Variants in CNTNAP2 observed in about 807,000 individuals in gnomAD.
The protein encoded by CNTNAP2 is contactin associated protein 2.
In CNTNAP2, 98 loss-of-function variants were observed where a neutral mutation model predicts 155.2. The ratio of observed to expected loss-of-function variants is 0.63; its 90% confidence interval spans 0.54 to 0.75. The LOEUF (loss-of-function observed/expected upper bound fraction) is 0.75. Among genes scored for constraint, CNTNAP2 ranks in the 30% least tolerant of loss-of-function variants. CNTNAP2 has a pLI of 0.00. For synonymous variants in CNTNAP2, 651 were observed against 631.2 expected, an observed-to-expected ratio of 1.03 and a Z score of -0.47; for missense variants, 1,727 against 1,688.1, an observed-to-expected ratio of 1.02 and a Z score of -0.40.
At chr7:146,846,375 A>G (rs1803841309) in intron 3 of CNTNAP2, among the ~76,000 whole-genome samples, 1 of 151,450 alleles carries the variant, frequency 6.6e-6, no homozygotes, top group African/African-American at 2.4e-5. Context: ...TTTGATATAA[A>G]TGGGGTAAAA....
chr7:147,442,307 A>G (rs1362910580), intron 10 of CNTNAP2, among the ~76,000 whole-genome samples: 1 of 152,176 alleles, frequency 6.6e-6, no homozygotes, highest in East Asian at 1.9e-4. Context: ...TCCTCAGTGA[A>G]TACTTCCAGC....
intron 21 of CNTNAP2, among the ~76,000 whole-genome samples, chr7:148,330,894 A>G (rs1454078886): frequency 1.0e-5 from 1 of 98,922 alleles, no homozygotes; most frequent in Non-Finnish European, 2.6e-5. Flanking sequence ...GAATGGATGG[A>G]TGGAATGGAC....
chr7:146,538,979 G>C (rs1431406172), intron 1 of CNTNAP2, among the ~76,000 whole-genome samples: 2 of 152,034 alleles, frequency 1.3e-5, no homozygotes, highest in East Asian at 3.9e-4. Context: ...ACAATTAACA[G>C]GGGGTAATGA....
At chr7:146,899,507 C>T (rs1260683346) in intron 3 of CNTNAP2, among the ~76,000 whole-genome samples, 5 of 152,066 alleles carry the variant, frequency 3.3e-5, no homozygotes. Context: ...TGCATTGAAC[C>T]TGTATTTTGT....
intron 15 of CNTNAP2, among the ~76,000 whole-genome samples, chr7:147,995,858 C>CAA (rs2116887241): frequency 6.6e-6 from 1 of 151,918 alleles, no homozygotes; most frequent in South Asian, 2.1e-4. Context: ...AGACTGTGCT[C>CAA]TTTTCCCTTG....
chr7:147,501,780 A>T (rs1329631705), intron 11 of CNTNAP2, among the ~76,000 whole-genome samples: 1 of 152,200 alleles, frequency 6.6e-6, no homozygotes, highest in Non-Finnish European at 1.5e-5. Context: ...GTTTATCAGT[A>T]TGTGACCCCA....
intron 18 of CNTNAP2, among the ~76,000 whole-genome samples, chr7:148,207,823 C>T (rs1393317169): frequency 6.6e-6 from 1 of 152,122 alleles, no homozygotes; most frequent in East Asian, 1.9e-4. Flanking sequence ...GTCATCACAG[C>T]GTGGTGGCTC....
At chr7:147,395,125 A>G (rs539511583) in intron 9 of CNTNAP2, among the ~76,000 whole-genome samples, 1 of 152,014 alleles carries the variant, frequency 6.6e-6, no homozygotes, top group Non-Finnish European at 1.5e-5. Flanking sequence ...ACTTTATTTC[A>G]TAATAGTAAG....
intron 9 of CNTNAP2, among the ~76,000 whole-genome samples, chr7:147,384,308 C>T (rs1796592403): frequency 6.6e-6 from 1 of 152,140 alleles, no homozygotes. Flanking sequence ...AATTTTCTTA[C>T]ACATATTTAA....
chr7:146,117,230 G>T (rs966741734), intron 1 of CNTNAP2: 1 of 526,264 alleles, frequency 1.9e-6, no homozygotes, highest in Admixed American at 3.1e-5. Flanking sequence ...GCAAGAGCTT[G>T]GCTAGAGAGA....
At chr7:146,628,658 C>A (rs1171922274) in intron 1 of CNTNAP2, among the ~76,000 whole-genome samples, 1 of 151,702 alleles carries the variant, frequency 6.6e-6, no homozygotes, top group Admixed American at 6.6e-5. Context: ...AACTATGAAC[C>A]CTTGAGCACT....
intron 13 of CNTNAP2, among the ~76,000 whole-genome samples, chr7:147,901,859 A>T (rs1799874273): frequency 6.6e-6 from 1 of 152,170 alleles, no homozygotes; most frequent in Non-Finnish European, 1.5e-5. Flanking sequence ...TGATGATTGG[A>T]TGAATGAATG....
At chr7:146,373,764 G>A (rs895430524) in intron 1 of CNTNAP2, among the ~76,000 whole-genome samples, 6 of 152,248 alleles carry the variant, frequency 3.9e-5, no homozygotes, top group African/African-American at 1.4e-4. Context: ...AAATTTTATA[G>A]AATTGGGGTA....
At chr7:147,338,455 T>C (rs826803) in intron 9 of CNTNAP2, among the ~76,000 whole-genome samples, 56,437 of 151,948 alleles carry the variant, frequency 0.37, 11,156 homozygotes, top group African/African-American at 0.5. Context: ...ATATAGAACA[T>C]AAGAAGAAAG....
At chr7:147,308,593 T>C (rs1795071639) in intron 9 of CNTNAP2, among the ~76,000 whole-genome samples, 1 of 152,196 alleles carries the variant, frequency 6.6e-6, no homozygotes. Flanking sequence ...TTTCCACTGT[T>C]TTACACTTTC....
At chr7:147,001,837 A>G (rs1798430148) in intron 3 of CNTNAP2, among the ~76,000 whole-genome samples, 1 of 152,028 alleles carries the variant, frequency 6.6e-6, no homozygotes, top group Admixed American at 6.6e-5. Flanking sequence ...AACTTGGAAT[A>G]AATAGAAATT....
chr7:147,724,409 T>C (rs921232492), intron 13 of CNTNAP2, among the ~76,000 whole-genome samples: 2 of 152,068 alleles, frequency 1.3e-5, no homozygotes, highest in Non-Finnish European at 2.9e-5. Context: ...AGCTGATTGT[T>C]AAAGGAAAGT....
intron 8 of CNTNAP2, among the ~76,000 whole-genome samples, chr7:147,289,868 A>G (rs369188977): frequency 2.0e-5 from 3 of 152,174 alleles, no homozygotes; most frequent in African/African-American, 7.2e-5. Context: ...CCATTGTTTG[A>G]TGACGTAGAA....
chr7:146,327,531 A>T (rs1801117635), intron 1 of CNTNAP2, among the ~76,000 whole-genome samples: 1 of 152,238 alleles, frequency 6.6e-6, no homozygotes, highest in Admixed American at 6.5e-5. Context: ...AAAATTTGAA[A>T]AGCCACATCC....
Sources: gnomAD v4.1 joint callset for allele counts (sites outside exome capture counted in the v4.1 genomes callset) on GRCh38, gnomAD v4.1.1 for gene constraint, MANE v1.5 for transcripts, NCBI Gene and HGNC (gene_info 2026-07-23, HGNC 2026-07-21) for gene names.